AP3B2: variants seen among roughly 807,000 people sequenced by gnomAD.
The protein encoded by AP3B2 is adaptor related protein complex 3 subunit beta 2, also known as AP-3 complex subunit beta-2.
Under a neutral mutation model 126.9 loss-of-function variants are expected in AP3B2, and 50 were observed. That is an observed-to-expected ratio of 0.39 (90% CI 0.31 to 0.50). AP3B2 has a LOEUF of 0.50. AP3B2 is among the 20% of genes least tolerant of loss of function. The pLI is 0.79. For synonymous variants in AP3B2, 541 were observed against 565.0 expected, an observed-to-expected ratio of 0.96 and a Z score of 0.60; for missense variants, 1,177 against 1,426.4, an observed-to-expected ratio of 0.83 and a Z score of 2.82.
chr15:82,678,497 G>C (rs1331102812), intron 10 of AP3B2, among the ~76,000 whole-genome samples: 2 of 152,100 alleles, frequency 1.3e-5, no homozygotes, highest in Non-Finnish European at 2.9e-5. Flanking sequence ...TCTGCTTGCT[G>C]TCTACCTCCC....
Position 82,662,794 on chromosome 15 carries a change from G to T in AP3B2, c.2733C>A (p.His911Gln). 1 of 1,613,864 alleles carries T rather than the reference G, an allele frequency of 6.2e-7. No individual in the cohort carries two copies. The highest frequency in any genetic ancestry group is 8.5e-7 in the Non-Finnish European group (1 of 1,179,820). Residue 911 changes from histidine to glutamine, a missense_variant, in exon 23 of 27, where the codon CAC becomes CAA. This residue lies in a region of AP3B2 where 587 missense variants were observed against 571.3 expected (regional missense o/e 1.03). Coordinates refer to ENST00000535359, the MANE Select transcript of AP3B2 (RefSeq NM_001278512.2). ...TATCAGAGCTGTTGGAGAAGTGGATGTGCACGGACACCATGTGGGGATCCC... is the reference window on the plus strand; with the variant it reads ...TATCAGAGCTGTTGGAGAAGTGGATTTGCACGGACACCATGTGGGGATCCC... ...FSGDPHMVSVHIHFSNSSDTP... is the reference protein window; with the variant it reads ...FSGDPHMVSVQIHFSNSSDTP...
chr15:82,692,114 G>GT, intron 1 of AP3B2: 2 of 1,491,914 alleles, frequency 1.3e-6, no homozygotes, highest in Non-Finnish European at 9.3e-7. Flanking sequence ...CCCCGACTTC[G>GT]TAAGTCCTGG....
Position 82,680,546 on chromosome 15 carries a change from G to A in AP3B2, c.981C>T (p.Leu327=). The change falls in exon 8 of 27, where the codon CTC becomes CTT. Residue 327 remains leucine, a synonymous_variant. Coordinates refer to ENST00000535359, the MANE Select transcript of AP3B2 (RefSeq NM_001278512.2). The surrounding 1 kb of genome is among the most constrained non-coding windows in gnomAD (Gnocchi z 6.1). ...SAAVVMAVAQ[L]YFHLAPKAEV... is the part of the protein sequence containing the mutation. The stretch of plus-strand genomic sequence containing the variant: ...CCGCCTTGGGCGCCAGGTGGAAGTA[G>A]AGCTGCGCCACCGCCATCACCACCG... 6.4e-7 allele frequency: 1 copy of A among 1,564,626 alleles called. No homozygotes were observed.
rs777291706 is a variant in AP3B2, at chr15:82,663,755, G to A, written c.2436+46C>T. The A allele has an allele frequency of 1.6e-5, 26 of 1,596,524 alleles. 1 individual carries two copies. The highest frequency in any genetic ancestry group is 2.2e-5 in the East Asian group (1 of 44,582). ...TGGGCCTGGCCCAGAGGTTGGGGAGGGCCCTGGCCCATGAGCACACCCTGA... is the reference window on the plus strand; with the variant it reads ...TGGGCCTGGCCCAGAGGTTGGGGAGAGCCCTGGCCCATGAGCACACCCTGA... On this transcript the variant is annotated intron_variant, in intron 20 of 26. Transcript: ENST00000535359.
chr15:82,678,222 G>C, intron 10 of AP3B2, 55 bp from the exon 11 acceptor site: 1 of 1,526,508 alleles, frequency 6.6e-7, no homozygotes, highest in Non-Finnish European at 9.1e-7. Context: ...TGGACTTTCT[G>C]TGCTTTCATT....
chr15:82,674,741 A>G (rs2048216215), intron 14 of AP3B2, among the ~76,000 whole-genome samples: 1 of 152,174 alleles, frequency 6.6e-6, no homozygotes, highest in African/African-American at 2.4e-5. Flanking sequence ...AACTTGGGGG[A>G]AATGACATGT....
At chr15:82,674,287 TA>T (rs1041282513) in intron 14 of AP3B2, among the ~76,000 whole-genome samples, 1 of 152,100 alleles carries the variant, frequency 6.6e-6, no homozygotes, top group African/African-American at 2.4e-5. Flanking sequence ...ACCTCCCTCC[TA>T]GTACCCCAAG....
chr15:82,686,654 C>G (rs929252286), intron 4 of AP3B2: 1 of 151,832 alleles, frequency 6.6e-6, no homozygotes, highest in African/African-American at 2.4e-5. Context: ...TACAGGGTCT[C>G]CCTATGTTGC....
chr15:82,659,423 G>A lies in AP3B2; in HGVS notation c.*137C>T, dbSNP rs1448468530. On this transcript the variant is annotated 3_prime_UTR_variant, in exon 27 of 27. Coordinates refer to ENST00000535359, the MANE Select transcript of AP3B2 (RefSeq NM_001278512.2). The stretch of plus-strand genomic sequence containing the variant: ...CATTAGGGGAGGGCTTGGTCCTCCA[G>A]AGGGAGAGAGGACACCCTGAATGCT... 8.5e-7 allele frequency: 1 copy of A among 1,178,278 alleles called. No homozygotes were observed. Among genetic ancestry groups the A allele is most frequent in the Non-Finnish European group, 1.2e-6 (1 of 832,010 alleles). 73.0% of individuals were successfully genotyped at this position (1,178,278 alleles called of 1,614,324 possible).
intron 1 of AP3B2, chr15:82,691,890 C>T: frequency 7.9e-7 from 1 of 1,270,732 alleles, no homozygotes; most frequent in Non-Finnish European, 1.1e-6. Context: ...AATTTAGTGT[C>T]ATCCAATTTA....
At chr15:82,687,379 T>C (rs1803424229) in intron 4 of AP3B2, 1 of 152,232 alleles carries the variant, frequency 6.6e-6, no homozygotes, top group Admixed American at 6.5e-5. Flanking sequence ...AAAGAAATTA[T>C]CACATTGAGT....
At chr15:82,678,049 A>G in intron 11 of AP3B2, 56 bp downstream of exon 11, 1 of 1,575,796 alleles carries the variant, frequency 6.3e-7, no homozygotes, top group Non-Finnish European at 8.7e-7. Flanking sequence ...CCACCAGGGC[A>G]CAAGGATCTG....
rs35153505 is a variant in AP3B2, at chr15:82,682,924, CAA to C, written c.361-1346_361-1345del. On this transcript the variant is annotated intron_variant, in intron 4 of 26. Coordinates refer to ENST00000535359, the MANE Select transcript of AP3B2 (RefSeq NM_001278512.2). ...CAACATAGGGAGACCCCAGTCTCTA[CAA>C]AAAAAAAAAAAATTGAAGTCAGTCC... is the stretch of plus-strand genomic sequence containing the variant. Among the ~76,000 whole-genome samples, 22 of 134,324 alleles carry C rather than the reference CAA, an allele frequency of 1.6e-4. No individual in the cohort carries two copies. In the South Asian group the frequency reaches 1.9e-3, roughly 11 times the overall value. 88.1% of individuals were successfully genotyped at this position (134,324 alleles called of 152,430 possible).
chr15:82,704,088 G>A (rs557769137), intron 1 of AP3B2, among the ~76,000 whole-genome samples: 9 of 152,260 alleles, frequency 5.9e-5, no homozygotes, highest in East Asian at 3.9e-4. Flanking sequence ...CAAGGTTAAC[G>A]CTCCTTTTCC....
Position 82,664,544 on chromosome 15 carries a change from T to C in AP3B2, c.2138-54A>G. On this transcript the variant is annotated intron_variant, in intron 18 of 26. Transcript: ENST00000535359. The surrounding 1 kb of genome is among the most constrained non-coding windows in gnomAD (Gnocchi z 4.5). ...CCTCATATGCAGGCCTCCTTGGGTC[T>C]GGAGCAGACACCTGGGTTCCACCTT... is the stretch of plus-strand genomic sequence containing the variant. 2 of 1,570,106 alleles carry C rather than the reference T, an allele frequency of 1.3e-6. No individual in the cohort carries two copies. Among genetic ancestry groups the C allele is most frequent in the Non-Finnish European group, 1.7e-6 (2 of 1,158,752 alleles).
rs377732230 is a variant in AP3B2 at position 82,681,628 on chromosome 15, T to C, written c.361-48A>G. ...AGCTATGAAAGGGCACCAGGTGCCCTGATGGGGGGAGGCCACACCTTTGGA... is the reference window on the plus strand; with the variant it reads ...AGCTATGAAAGGGCACCAGGTGCCCCGATGGGGGGAGGCCACACCTTTGGA... On this transcript the variant is annotated intron_variant, in intron 4 of 26. Coordinates refer to ENST00000535359, the MANE Select transcript of AP3B2 (RefSeq NM_001278512.2). This position sits in a 1 kb window ranked among gnomAD's most constrained non-coding sequence, Gnocchi z 4.0. The C allele has an allele frequency of 1.3e-6, 2 of 1,588,974 alleles. No homozygotes were observed. The highest frequency in any genetic ancestry group is 3.4e-5 in the Admixed American group (2 of 58,862).
intron 1 of AP3B2, 64 bp downstream of exon 1, chr15:82,709,530 C>A: frequency 1.6e-6 from 2 of 1,239,960 alleles, no homozygotes; most frequent in Non-Finnish European, 1.1e-6. Flanking sequence ...GTCCATGGTG[C>A]CCGCGCGCCT....
intron 1 of AP3B2, chr15:82,699,749 CCTGGTA>C: frequency 2.5e-6 from 1 of 399,524 alleles, no homozygotes; most frequent in Non-Finnish European, 4.4e-6. Flanking sequence ...GGCTCCAAGG[CCTGGTA>C]CCGGAGTGGG....
chr15:82,665,376 A>G lies in AP3B2; in HGVS notation c.1972-73T>C, dbSNP rs962640012. On this transcript the variant is annotated intron_variant, in intron 16 of 26. Transcript: ENST00000535359. The surrounding 1 kb of genome is among the most constrained non-coding windows in gnomAD (Gnocchi z 4.4). ...GGGCTCCCTACTGTCTGCCCCCACCAACACACACACACACACACACACACA... is the reference window on the plus strand; with the variant it reads ...GGGCTCCCTACTGTCTGCCCCCACCGACACACACACACACACACACACACA... 3.2e-6 allele frequency: 4 copies of G among 1,253,592 alleles called. No homozygotes were observed. The highest frequency in any genetic ancestry group is 4.5e-6 in the Non-Finnish European group (4 of 898,382). The allele number at this position is 1,253,592 out of a possible 1,614,324, so 77.7% of individuals were successfully genotyped here.
Sources: allele counts gnomAD v4.1 joint callset (sites outside exome capture counted in the v4.1 genomes callset), GRCh38; gene constraint gnomAD v4.1.1; regional missense constraint gnomAD v4.1.1; non-coding constraint Gnocchi (gnomAD v3.1); transcripts MANE v1.5; gene names NCBI Gene and HGNC (gene_info 2026-07-23, HGNC 2026-07-21).